The following ATP13A4 variants were observed in gnomAD, a reference collection of about 807,000 sequenced individuals.
ATP13A4 encodes probable cation-transporting ATPase 13A4.
ATP13A4 carries 114 observed loss-of-function variants against 142.5 expected under a neutral mutation model. The observed-to-expected ratio is 0.80, with a 90% CI of 0.69 to 0.93. The LOEUF (loss-of-function observed/expected upper bound fraction) is 0.93, where lower values mean the gene tolerates loss of function less well. Among genes scored for constraint, ATP13A4 ranks in the 40% least tolerant of loss-of-function variants. The probability of loss-of-function intolerance (pLI) is 0.00; values close to 1 mark genes in which losing one functional copy is unlikely to be tolerated. For missense variants in ATP13A4, 1,392 were observed against 1,454.0 expected (o/e 0.96, Z 0.69); for synonymous variants, 488 against 514.8 (o/e 0.95, Z 0.70).
intron 2 of ATP13A4, among the ~76,000 whole-genome samples, chr3:193,506,682 T>C (rs1218276539): frequency 6.6e-6 from 1 of 152,152 alleles, no homozygotes; most frequent in Non-Finnish European, 1.5e-5. Flanking sequence ...GGGGGGTAAT[T>C]TAATCATGGG....
chr3:193,522,951 C>A (rs1721803076), intron 1 of ATP13A4, among the ~76,000 whole-genome samples: 1 of 152,162 alleles, frequency 6.6e-6, no homozygotes, highest in African/African-American at 2.4e-5. Context: ...TTCTGGCACA[C>A]AGCAACTAAA....
At chr3:193,475,441 C>A (rs1468764180) in intron 8 of ATP13A4, among the ~76,000 whole-genome samples, 5 of 151,608 alleles carry the variant, frequency 3.3e-5, no homozygotes, top group African/African-American at 1.2e-4. Context: ...TAGAAAACAG[C>A]AGTATTAATA....
At chr3:193,583,321 T>C (rs1577090472) in intron 1 of ATP13A4, among the ~76,000 whole-genome samples, 2 of 152,032 alleles carry the variant, frequency 1.3e-5, no homozygotes, top group South Asian at 4.2e-4. Flanking sequence ...TAATCCCAGG[T>C]ACTCAGCAGG....
At chr3:193,411,102 G>A in intron 27 of ATP13A4, 32 bp from the exon 28 acceptor site, 1 of 1,416,082 alleles carries the variant, frequency 7.1e-7, no homozygotes, top group African/African-American at 1.4e-5. Context: ...GTATTATTTT[G>A]AGAAATCAGA....
intron 3 of ATP13A4, among the ~76,000 whole-genome samples, chr3:193,498,494 A>T (rs547351534): frequency 1.3e-5 from 2 of 152,320 alleles, no homozygotes; most frequent in African/African-American, 4.8e-5. Flanking sequence ...AACTGAACAC[A>T]AAAAGAAACA....
At chr3:193,505,119 T>C (rs980012019) in intron 2 of ATP13A4, among the ~76,000 whole-genome samples, 1 of 152,188 alleles carries the variant, frequency 6.6e-6, no homozygotes, top group African/African-American at 2.4e-5. Context: ...TTCCAAATCT[T>C]GGTCCCTTCC....
intron 2 of ATP13A4, among the ~76,000 whole-genome samples, chr3:193,503,254 A>T (rs1720660765): frequency 1.3e-5 from 2 of 152,192 alleles, no homozygotes; most frequent in Admixed American, 1.3e-4. Context: ...AACCTGCCCA[A>T]GGTAATTGCC....
At chr3:193,484,579 T>C (rs1162299130) in intron 7 of ATP13A4, among the ~76,000 whole-genome samples, 2 of 152,186 alleles carry the variant, frequency 1.3e-5, no homozygotes, top group African/African-American at 4.8e-5. Context: ...GATTTTGTCA[T>C]TTAAGATACT....
chr3:193,414,014 AC>A (rs1235153329), intron 26 of ATP13A4, among the ~76,000 whole-genome samples: 1 of 152,128 alleles, frequency 6.6e-6, no homozygotes. Context: ...TCACGGTCCT[AC>A]CGATATGTGA....
intron 25 of ATP13A4, among the ~76,000 whole-genome samples, chr3:193,431,450 C>T (rs1187115358): frequency 6.6e-6 from 1 of 151,902 alleles, no homozygotes; most frequent in Non-Finnish European, 1.5e-5. Flanking sequence ...AGTCATGGGG[C>T]TGGTTGAGAT....
At position 193,573,291 on chromosome 3, in the gene ATP13A4, A is replaced by ATATT. The variant is rs1229123365; in HGVS notation, n.291+8415_291+8416insAATA. Among the ~76,000 whole-genome samples the ATATT allele has an allele frequency of 4.4e-3, 328 of 74,552 alleles. 9 individuals are homozygous for ATATT. The highest frequency in any genetic ancestry group is 6.7e-3 in the Non-Finnish European group (268 of 40,132). 48.9% of individuals were successfully genotyped at this position (74,552 alleles called of 152,430 possible). ...TATATATATACATATATATATATAC[A>ATATT]CATATATATATATATACATATATAT... On this transcript the variant is annotated intron_variant and non_coding_transcript_variant, in intron 2 of 3. Transcript: ENST00000489140.
chr3:193,449,967 A>G (rs1175146371), intron 17 of ATP13A4, among the ~76,000 whole-genome samples: 2 of 151,972 alleles, frequency 1.3e-5, no homozygotes, highest in Admixed American at 6.6e-5. Flanking sequence ...TAAAAATACA[A>G]CATTAGTTGG....
Position 193,456,988 on chromosome 3 carries a change from C to G in ATP13A4, c.1915+12G>C. 1.2e-6 allele frequency: 2 copies of G among 1,608,886 alleles called. No homozygotes were observed. Among genetic ancestry groups the G allele is most frequent in the Non-Finnish European group, 1.7e-6 (2 of 1,177,454 alleles). On this transcript the variant is annotated intron_variant, in intron 16 of 29. Coordinates refer to ENST00000342695, the MANE Select transcript of ATP13A4 (RefSeq NM_032279.4). ...CAGATTTGCCAGGTGTAATCCAAGT[C>G]AAGTTACAGACCTGTCTCAGGTTGG...
At chr3:193,480,380 T>C (rs1719221484) in intron 8 of ATP13A4, among the ~76,000 whole-genome samples, 1 of 152,152 alleles carries the variant, frequency 6.6e-6, no homozygotes, top group Middle Eastern at 3.2e-3. Context: ...TCTATACTTC[T>C]GTTGAAGGAC....
chr3:193,575,841 G>C (rs1184904038), intron 2 of ATP13A4, among the ~76,000 whole-genome samples: 1 of 152,196 alleles, frequency 6.6e-6, no homozygotes, highest in African/African-American at 2.4e-5. Flanking sequence ...AGAGAAGAAG[G>C]ATAACAGATG....
At chr3:193,485,023 A>C (rs764948738) in intron 7 of ATP13A4, among the ~76,000 whole-genome samples, 10 of 152,224 alleles carry the variant, frequency 6.6e-5, no homozygotes, top group Non-Finnish European at 1.3e-4. Flanking sequence ...TGAAGATGAA[A>C]AAAAAATGGA....
chr3:193,490,592 T>C (rs1336280976), intron 6 of ATP13A4, among the ~76,000 whole-genome samples: 1 of 152,190 alleles, frequency 6.6e-6, no homozygotes, highest in Non-Finnish European at 1.5e-5. Context: ...TGCTGTGCCT[T>C]TACTTAAATT....
In ATP13A4 at chr3:193,465,960, T is replaced by C. The variant is rs926733751; in HGVS notation, c.1272+65A>G. 12 of 1,596,138 alleles carry C rather than the reference T, an allele frequency of 7.5e-6. No homozygotes were observed. In the East Asian group the frequency reaches 1.3e-4, roughly 18 times the overall value. On this transcript the variant is annotated intron_variant, in intron 11 of 29. Transcript: ENST00000342695. ...ACCACATCCTAGGTTAAGGCCAACATGCACAGTACAAAATATACAGAGATG... is the reference window on the plus strand; with the variant it reads ...ACCACATCCTAGGTTAAGGCCAACACGCACAGTACAAAATATACAGAGATG...
chr3:193,491,247 A>G, intron 6 of ATP13A4, 82 bp downstream of exon 6: 2 of 1,011,166 alleles, frequency 2.0e-6, no homozygotes, highest in Admixed American at 1.7e-5. Context: ...ACTTATTAAC[A>G]ATTAGCACTC....
Sources: allele counts gnomAD v4.1 joint callset (sites outside exome capture counted in the v4.1 genomes callset), GRCh38; gene constraint gnomAD v4.1.1; transcripts MANE v1.5; gene names NCBI Gene and HGNC (gene_info 2026-07-23, HGNC 2026-07-21).